Variants in PREX1 observed in about 807,000 individuals in gnomAD.
PREX1 encodes the protein phosphatidylinositol 3,4,5-trisphosphate-dependent Rac exchanger 1 protein.
A neutral mutation model predicts 198.3 loss-of-function variants in PREX1; 41 were observed. That is an observed-to-expected ratio of 0.21 (90% CI 0.16 to 0.27). The LOEUF is 0.27. Among genes scored for constraint, PREX1 ranks in the 10% least tolerant of loss-of-function variants. The probability of loss-of-function intolerance (pLI) is 1.00; values close to 1 mark genes in which losing one functional copy is unlikely to be tolerated. For synonymous variants in PREX1, 843 were observed against 887.2 expected, an observed-to-expected ratio of 0.95 and a Z score of 0.89; for missense variants, 1,620 against 2,200.7, an observed-to-expected ratio of 0.74 and a Z score of 5.28.
chr20:48,830,439 G>T (rs1375848225), upstream of PREX1, among the ~76,000 whole-genome samples: 2 of 152,336 alleles, frequency 1.3e-5, no homozygotes, highest in East Asian at 1.9e-4. Flanking sequence ...GAGAACCACT[G>T]ATGTAAAGTA....
intron 29 of PREX1, 144 bp downstream of exon 29, chr20:48,642,024 G>T: frequency 1.3e-6 from 1 of 756,554 alleles, no homozygotes; most frequent in Non-Finnish European, 2.2e-6. Flanking sequence ...ACTGGATGTG[G>T]CCCATGGGCT....
At chr20:48,689,667 C>T (rs554228141) in intron 9 of PREX1, among the ~76,000 whole-genome samples, 43 of 152,346 alleles carry the variant, frequency 2.8e-4, no homozygotes, top group Non-Finnish European at 5.7e-4. Context: ...CCAGTCCTGA[C>T]CACATACTCA....
At chr20:48,789,633 T>C (rs565942736) in intron 1 of PREX1, among the ~76,000 whole-genome samples, 77 of 152,356 alleles carry the variant, frequency 5.1e-4, no homozygotes, top group Admixed American at 8.5e-4. Flanking sequence ...TAACTATGGC[T>C]ATCATATCAA....
chr20:48,726,386 G>A lies in PREX1; in HGVS notation c.525C>T (p.Cys175=). 6.2e-7 allele frequency: 1 copy of A among 1,612,088 alleles called. No homozygotes were observed. The highest frequency in any genetic ancestry group is 8.5e-7 in the Non-Finnish European group (1 of 1,178,986). Reference sequence around the variant, plus strand: ...TGGTCTTCCGGCCTCCCAGAAGCATGCAGCTCTGCAAAGGGACAGGAGACC... The same window carrying A: ...TGGTCTTCCGGCCTCCCAGAAGCATACAGCTCTGCAAAGGGACAGGAGACC... The part of the protein sequence containing the change: ...IPTVRAFLLS[C]MLLGGRKTTD... Residue 175 remains cysteine, a synonymous_variant, in exon 5 of 40, where the codon TGC becomes TGT. Transcript: ENST00000371941.
chr20:48,828,278 A>G (rs2090521517), upstream of PREX1, among the ~76,000 whole-genome samples: 2 of 151,558 alleles, frequency 1.3e-5, no homozygotes, highest in Non-Finnish European at 1.5e-5. Context: ...GGCCGCGCGC[A>G]CGCCGAACCG....
intron 24 of PREX1, among the ~76,000 whole-genome samples, 187 bp downstream of exon 24, chr20:48,649,809 C>T (rs112271760): frequency 2.0e-5 from 3 of 152,314 alleles, no homozygotes; most frequent in African/African-American, 7.2e-5. Context: ...GGCTGGTACC[C>T]CAGCAGATAT....
At chr20:48,842,250 A>T in the PREX1 span, among the ~76,000 whole-genome samples, 3 of 152,190 alleles carry the variant, frequency 2.0e-5, no homozygotes, top group Admixed American at 6.5e-5. Flanking sequence ...CCACAGACTT[A>T]TACTTTCTCC....
At chr20:48,805,627 T>C (rs548757986) in intron 1 of PREX1, among the ~76,000 whole-genome samples, 1 of 152,220 alleles carries the variant, frequency 6.6e-6, no homozygotes, top group South Asian at 2.1e-4. Flanking sequence ...CAGGGTCCCC[T>C]CAGCACCGGG....
intron 2 of PREX1, among the ~76,000 whole-genome samples, chr20:48,747,410 C>T (rs1452401554): frequency 1.3e-5 from 2 of 152,200 alleles, no homozygotes; most frequent in African/African-American, 2.4e-5. Flanking sequence ...ATGCCCAGGG[C>T]GGGAGCGGGG....
At chr20:48,646,688 A>AAAAAAG (rs1013708528) in intron 25 of PREX1, among the ~76,000 whole-genome samples, 5 of 152,024 alleles carry the variant, frequency 3.3e-5, no homozygotes, top group African/African-American at 9.6e-5. Flanking sequence ...AAAAAAAAAA[A>AAAAAAG]AAAAGAAAAG....
At chr20:48,845,846 T>C in the PREX1 span, among the ~76,000 whole-genome samples, 1 of 152,092 alleles carries the variant, frequency 6.6e-6, no homozygotes, top group Non-Finnish European at 1.5e-5. Context: ...CAGCAGGGCC[T>C]CAAAAGTGAT....
At chr20:48,687,392 G>C (rs1003036442) in intron 10 of PREX1, among the ~76,000 whole-genome samples, 6 of 152,210 alleles carry the variant, frequency 3.9e-5, no homozygotes, top group African/African-American at 1.4e-4. Flanking sequence ...TTAAAGTCCT[G>C]AACTCCCTTT....
At chr20:48,642,040 C>T (rs575765066) in intron 29 of PREX1, 128 bp downstream of exon 29, 3 of 929,354 alleles carry the variant, frequency 3.2e-6, no homozygotes, top group Admixed American at 2.2e-5. Flanking sequence ...GGGCTAAAAT[C>T]GCTGTCCTGA....
At chr20:48,714,774 T>G (rs1274869103) in intron 5 of PREX1, among the ~76,000 whole-genome samples, 2 of 152,202 alleles carry the variant, frequency 1.3e-5, no homozygotes, top group Admixed American at 6.5e-5. Context: ...GTGAGCCTAT[T>G]TATTTTTTAC....
chr20:48,671,901 G>A (rs375764309), intron 14 of PREX1, among the ~76,000 whole-genome samples: 8 of 152,224 alleles, frequency 5.3e-5, no homozygotes, highest in Non-Finnish European at 1.0e-4. Context: ...TGCTGAAGTG[G>A]ATGGACACAT....
chr20:48,791,621 C>T (rs955677926), intron 1 of PREX1, among the ~76,000 whole-genome samples: 12 of 152,228 alleles, frequency 7.9e-5, no homozygotes, highest in Middle Eastern at 3.4e-3. Flanking sequence ...ACAATTGAAA[C>T]GGACAAGAGC....
At chr20:48,778,612 T>A (rs1244216860) in intron 1 of PREX1, among the ~76,000 whole-genome samples, 1 of 151,316 alleles carries the variant, frequency 6.6e-6, no homozygotes, top group Non-Finnish European at 1.5e-5. Flanking sequence ...GGAACTATTA[T>A]AAAGTTACAA....
intron 15 of PREX1, among the ~76,000 whole-genome samples, chr20:48,663,488 T>C (rs538147292): frequency 1.3e-5 from 2 of 152,298 alleles, no homozygotes; most frequent in South Asian, 2.1e-4. Flanking sequence ...GATCACACCA[T>C]TGCACTCCAG....
At position 48,657,694 on chromosome 20, in the gene PREX1, C is replaced by A. The variant is rs530932051; in HGVS notation, c.1974+442G>T. ...CCAGCCAGCACGGCAGGTGCATCTC[C>A]CCCACCCACCTGCACACGCCCCAGG... On this transcript the variant is annotated intron_variant, in intron 17 of 39. Transcript: ENST00000371941. 3.9e-5 allele frequency among the ~76,000 whole-genome samples: 6 copies of A among 152,332 alleles called. No individual in the cohort carries two copies. In the South Asian group the frequency reaches 1.2e-3, roughly 32 times the overall value.
Sources: allele counts gnomAD v4.1 joint callset (sites outside exome capture counted in the v4.1 genomes callset), GRCh38; gene constraint gnomAD v4.1.1; transcripts MANE v1.5; gene names NCBI Gene and HGNC (gene_info 2026-07-23, HGNC 2026-07-21).